Variants in EDA observed in about 807,000 individuals in gnomAD.
The protein encoded by EDA is ectodysplasin-A.
A neutral mutation model predicts 23.6 loss-of-function variants in EDA; 2 were observed. The observed-to-expected ratio is 0.08, with a 90% CI of 0.03 to 0.27. The LOEUF is 0.27. Among genes scored for constraint, EDA ranks in the 10% least tolerant of loss-of-function variants. EDA has a pLI of 1.00. For synonymous variants in EDA, 131 were observed against 132.0 expected (o/e 0.99, Z 0.05); for missense variants, 229 against 324.2 (o/e 0.71, Z 2.26).
intron 1 of EDA, among the ~76,000 whole-genome samples, chrX:69,681,401 A>G (rs1364286933): frequency 9.0e-6 from 1 of 110,789 alleles, no homozygotes; most frequent in Admixed American, 9.6e-5. Context: ...CTCCTGGATA[A>G]TATCCTGCAG....
intron 1 of EDA, among the ~76,000 whole-genome samples, chrX:69,899,398 G>A (rs1026953002): frequency 7.2e-5 from 8 of 111,145 alleles, no homozygotes; most frequent in Non-Finnish European, 1.5e-4. Context: ...GTCTGTTTAC[G>A]AAACCTGTGA....
chrX:69,880,704 A>G (rs2017732116), intron 1 of EDA, among the ~76,000 whole-genome samples: 1 of 112,300 alleles, frequency 8.9e-6, no homozygotes, highest in Admixed American at 9.4e-5. Context: ...CTATATTAGC[A>G]TGGATCATAG....
chrX:69,864,188 A>G (rs1226952076), intron 1 of EDA, among the ~76,000 whole-genome samples: 1 of 111,443 alleles, frequency 9.0e-6, no homozygotes, highest in African/African-American at 3.3e-5. Context: ...AAGGACCCTC[A>G]CAGAGTCCAC....
At chrX:69,741,001 T>C (rs1204398236) in intron 1 of EDA, among the ~76,000 whole-genome samples, 1 of 109,763 alleles carries the variant, frequency 9.1e-6, no homozygotes, top group Non-Finnish European at 1.9e-5. Flanking sequence ...TTTTTTTCTA[T>C]TTCATATATA....
intron 1 of EDA, among the ~76,000 whole-genome samples, chrX:69,856,824 G>T (rs2017266229): frequency 9.0e-6 from 1 of 110,754 alleles, no homozygotes; most frequent in East Asian, 2.8e-4. Context: ...TGGGTTGTCT[G>T]TTTACTCTGC....
chrX:69,782,120 G>A (rs1186632239), intron 1 of EDA, among the ~76,000 whole-genome samples: 1 of 109,299 alleles, frequency 9.1e-6, no homozygotes, highest in African/African-American at 3.3e-5. Flanking sequence ...TCAACCCCTG[G>A]CTTGTTTTCC....
chrX:69,681,559 A>C (rs1431711400), intron 1 of EDA, among the ~76,000 whole-genome samples: 46 of 110,924 alleles, frequency 4.1e-4, no homozygotes, highest in African/African-American at 1.2e-3. Context: ...CTTCTCGCTT[A>C]ATTTCATTCA....
chrX:69,827,427 C>G (rs1050416106), intron 1 of EDA, among the ~76,000 whole-genome samples: 1 of 111,456 alleles, frequency 9.0e-6, no homozygotes, highest in South Asian at 3.8e-4. Flanking sequence ...CTAAACTTCC[C>G]TTCTCGCTTC....
intron 1 of EDA, among the ~76,000 whole-genome samples, chrX:69,952,806 CA>C (rs2018947072): frequency 9.0e-6 from 1 of 111,357 alleles, no homozygotes; most frequent in Non-Finnish European, 1.9e-5. Context: ...ACAGTTAATA[CA>C]AGAGTATCTT....
At chrX:69,784,111 G>A (rs1428170015) in intron 1 of EDA, among the ~76,000 whole-genome samples, 17 of 95,983 alleles carry the variant, frequency 1.8e-4, no homozygotes, top group Admixed American at 3.4e-4. Context: ...GTCTGTTCAT[G>A]TCCTTCACCC....
At chrX:69,663,496 G>T (rs758113257) in intron 1 of EDA, among the ~76,000 whole-genome samples, 7 of 112,619 alleles carry the variant, frequency 6.2e-5, no homozygotes, top group Non-Finnish European at 1.3e-4. Context: ...GATTTCAGAG[G>T]ATGTATGGAA....
chrX:70,028,309 G>A (rs1290442653), intron 4 of EDA, among the ~76,000 whole-genome samples: 1 of 111,314 alleles, frequency 9.0e-6, no homozygotes, highest in Admixed American at 9.5e-5. Flanking sequence ...CTGACTCTTG[G>A]CCTCCCTGTA....
intron 3 of EDA, among the ~76,000 whole-genome samples, chrX:70,025,948 G>A (rs988253286): frequency 9.0e-6 from 1 of 111,730 alleles, no homozygotes; most frequent in African/African-American, 3.3e-5. Context: ...GTTAGACATA[G>A]ACAAATGGCC....
At chrX:69,855,078 T>TC (rs2017216779) in intron 1 of EDA, among the ~76,000 whole-genome samples, 1 of 112,322 alleles carries the variant, frequency 8.9e-6, no homozygotes, top group Non-Finnish European at 1.9e-5. Context: ...GCTGAGCTTT[T>TC]TTTTTCACAT....
chrX:69,831,046 C>T (rs1378556999), intron 1 of EDA, among the ~76,000 whole-genome samples: 3 of 111,541 alleles, frequency 2.7e-5, no homozygotes, highest in African/African-American at 6.5e-5. Context: ...TGTTTCCAAA[C>T]TTACTTGATG....
chrX:69,713,636 T>G (rs1285963846), intron 1 of EDA, among the ~76,000 whole-genome samples: 1 of 112,123 alleles, frequency 8.9e-6, no homozygotes, highest in Non-Finnish European at 1.9e-5. Flanking sequence ...TTTGGGGATT[T>G]ACTTTTTTTC....
intron 2 of EDA, among the ~76,000 whole-genome samples, chrX:69,981,856 G>C (rs1041120263): frequency 4.5e-5 from 5 of 111,915 alleles, no homozygotes; most frequent in Non-Finnish European, 9.4e-5. Flanking sequence ...CTGAACCAAA[G>C]TCTTTTTGAC....
chrX:69,970,674 C>T (rs921521812), intron 2 of EDA, among the ~76,000 whole-genome samples: 1 of 111,589 alleles, frequency 9.0e-6, no homozygotes, highest in African/African-American at 3.3e-5. Flanking sequence ...ACGGGATCTT[C>T]ATGGTGATTC....
At chrX:69,898,651 TGA>T (rs1181604296) in intron 1 of EDA, among the ~76,000 whole-genome samples, 1 of 111,910 alleles carries the variant, frequency 8.9e-6, no homozygotes. Context: ...TAAAGTACTA[TGA>T]GAGAAAATTT....
Sources: allele counts gnomAD v4.1 joint callset (sites outside exome capture counted in the v4.1 genomes callset), GRCh38; gene constraint gnomAD v4.1.1; transcripts MANE v1.5; gene names NCBI Gene and HGNC (gene_info 2026-07-23, HGNC 2026-07-21).